Variants in GRM1 observed in about 807,000 individuals in gnomAD.
GRM1 encodes the protein glutamate metabotropic receptor 1.
GRM1 carries 33 observed loss-of-function variants against 90.9 expected under a neutral mutation model. That is an observed-to-expected ratio of 0.36 (90% CI 0.28 to 0.49). GRM1 has a LOEUF of 0.49. Among genes scored for constraint, GRM1 ranks in the 20% least tolerant of loss-of-function variants. The probability of loss-of-function intolerance (pLI) is 0.99; values close to 1 mark genes in which losing one functional copy is unlikely to be tolerated. For missense variants in GRM1, 1,190 were observed against 1,534.3 expected, an observed-to-expected ratio of 0.78 and a Z score of 3.75; for synonymous variants, 700 against 613.2, an observed-to-expected ratio of 1.14 and a Z score of -2.09.
intron 1 of GRM1, among the ~76,000 whole-genome samples, chr6:146,080,368 A>G (rs529718145): frequency 1.3e-5 from 2 of 152,280 alleles, no homozygotes; most frequent in Non-Finnish European, 2.9e-5. Flanking sequence ...GGATGATACT[A>G]CAAAACACAA....
intron 4 of GRM1, 99 bp from the exon 5 acceptor site, chr6:146,357,427 T>A: frequency 1.0e-6 from 1 of 967,612 alleles, no homozygotes; most frequent in Non-Finnish European, 1.7e-6. Flanking sequence ...AAGATGATTC[T>A]AGCTTTCTCT....
At chr6:146,232,100 TA>T (rs756802894) in intron 2 of GRM1, among the ~76,000 whole-genome samples, 1 of 152,130 alleles carries the variant, frequency 6.6e-6, no homozygotes, top group Non-Finnish European at 1.5e-5. Flanking sequence ...AAATAGAGAT[TA>T]GACAATTTAG....
At chr6:146,377,367 C>A (rs2328740) in intron 5 of GRM1, among the ~76,000 whole-genome samples, 66,128 of 151,790 alleles carry the variant, frequency 0.44, 14,532 homozygotes, top group African/African-American at 0.5. Context: ...ACAATAAGGT[C>A]CAGGTTGAGG....
intron 2 of GRM1, among the ~76,000 whole-genome samples, chr6:146,226,897 T>G (rs1044268465): frequency 6.6e-6 from 1 of 152,142 alleles, no homozygotes; most frequent in African/African-American, 2.4e-5. Context: ...ATTTGCTCTT[T>G]TCTTCAAGAT....
chr6:146,288,667 G>A (rs545151012), intron 2 of GRM1, among the ~76,000 whole-genome samples: 54 of 152,114 alleles, frequency 3.5e-4, no homozygotes, highest in Non-Finnish European at 5.4e-4. Flanking sequence ...CACCATGCCC[G>A]GCTAATTTTT....
chr6:146,357,699 G>A lies in GRM1; in HGVS notation c.1602+5G>A, dbSNP rs1583379729. 6.2e-7 allele frequency: 1 copy of A among 1,611,752 alleles called. No individual in the cohort carries two copies. Among genetic ancestry groups the A allele is most frequent in the South Asian group, 1.1e-5 (1 of 91,026 alleles). ...TGCTTAAAGGGCCAGATTAAGGTAA[G>A]CCACAAATGCATTCTTGCATGGTAT... On this transcript the variant is annotated splice_donor_5th_base_variant and intron_variant, in intron 5 of 7. Coordinates refer to ENST00000282753, the MANE Select transcript of GRM1 (RefSeq NM_001278064.2).
chr6:146,044,285 C>T (rs1282313378), intron 1 of GRM1, among the ~76,000 whole-genome samples: 1 of 151,882 alleles, frequency 6.6e-6, no homozygotes, highest in Admixed American at 6.6e-5. Flanking sequence ...CTGGGAAAGG[C>T]GAGTCTGTTT....
chr6:146,389,331 C>T (rs1020681848), intron 6 of GRM1, among the ~76,000 whole-genome samples: 3 of 152,204 alleles, frequency 2.0e-5, no homozygotes, highest in African/African-American at 7.2e-5. Context: ...TCTCCAACTT[C>T]TCCTACTGCT....
chr6:146,329,324 T>A (rs1322757681), intron 3 of GRM1, among the ~76,000 whole-genome samples: 1 of 152,132 alleles, frequency 6.6e-6, no homozygotes, highest in East Asian at 1.9e-4. Flanking sequence ...ATTCAAGTAC[T>A]ATTTCAGATG....
In GRM1 at chr6:146,434,350, G is replaced by A. The variant is rs746455348; in HGVS notation, c.3139G>A (p.Asp1047Asn). The A allele has an allele frequency of 1.2e-6, 2 of 1,612,568 alleles. No individual in the cohort carries two copies. Among genetic ancestry groups the A allele is most frequent in the East Asian group, 2.2e-5 (1 of 44,806 alleles). Residue 1047 changes from aspartate (D) to asparagine (N), a missense_variant, in exon 8 of 8, where the codon GAT becomes AAT. Transcript: ENST00000282753. ...VVSNFSTAIPDFHAVLAGPGG... is the reference protein window; with the variant it reads ...VVSNFSTAIPNFHAVLAGPGG... ...CAGCAACTTCAGTACCGCGATCCCG[G>A]ATTTTCACGCGGTGCTGGCAGGCCC...
At chr6:146,248,864 A>T (rs1781168468) in intron 2 of GRM1, among the ~76,000 whole-genome samples, 1 of 152,226 alleles carries the variant, frequency 6.6e-6, no homozygotes, top group Non-Finnish European at 1.5e-5. Flanking sequence ...ATGGTCTCAG[A>T]TGGAGATGAG....
intron 2 of GRM1, among the ~76,000 whole-genome samples, chr6:146,244,700 T>C (rs1481740097): frequency 6.6e-6 from 1 of 152,220 alleles, no homozygotes; most frequent in African/African-American, 2.4e-5. Flanking sequence ...CCGTGTGTAA[T>C]AGAAGTTTTG....
chr6:146,145,606 C>T (rs947719826), intron 1 of GRM1, among the ~76,000 whole-genome samples: 1 of 152,190 alleles, frequency 6.6e-6, no homozygotes, highest in Non-Finnish European at 1.5e-5. Flanking sequence ...AAAGCAAGAG[C>T]TGTGGTGGCT....
chr6:146,405,253 T>G (rs1320522941), intron 7 of GRM1, among the ~76,000 whole-genome samples: 2 of 152,116 alleles, frequency 1.3e-5, no homozygotes, highest in African/African-American at 2.4e-5. Flanking sequence ...TGAAGATCAA[T>G]TGTCAAAATA....
At chr6:146,187,921 A>G (rs1439398184) in intron 2 of GRM1, among the ~76,000 whole-genome samples, 1 of 152,050 alleles carries the variant, frequency 6.6e-6, no homozygotes, top group Admixed American at 6.6e-5. Flanking sequence ...ATAGTTGTTT[A>G]TTTATTATTA....
chr6:146,432,833 G>A (rs1180284885), intron 7 of GRM1, among the ~76,000 whole-genome samples: 1 of 152,164 alleles, frequency 6.6e-6, no homozygotes, highest in African/African-American at 2.4e-5. Context: ...ACAGAATTTG[G>A]GGTGTAGGCC....
upstream of GRM1, among the ~76,000 whole-genome samples, chr6:146,029,006 G>T (rs1386550877): frequency 2.0e-5 from 3 of 152,196 alleles, no homozygotes; most frequent in Non-Finnish European, 4.4e-5. Context: ...GCCTGGACCC[G>T]TGAGGACAGA....
At chr6:146,181,724 C>T (rs759183926) in intron 2 of GRM1, among the ~76,000 whole-genome samples, 4 of 152,032 alleles carry the variant, frequency 2.6e-5, no homozygotes, top group Middle Eastern at 3.2e-3. Flanking sequence ...AAGTAGGGTA[C>T]TTTTGTCTCC....
intron 1 of GRM1, among the ~76,000 whole-genome samples, chr6:146,048,276 T>G (rs1216059549): frequency 6.6e-6 from 1 of 152,036 alleles, no homozygotes; most frequent in Non-Finnish European, 1.5e-5. Flanking sequence ...TTGGAATTCC[T>G]TGGCTTCATG....
Sources: allele counts gnomAD v4.1 joint callset (sites outside exome capture counted in the v4.1 genomes callset), GRCh38; gene constraint gnomAD v4.1.1; transcripts MANE v1.5; gene names NCBI Gene and HGNC (gene_info 2026-07-23, HGNC 2026-07-21).